NRXN1: variants seen among roughly 807,000 people sequenced by gnomAD.
The protein encoded by NRXN1 is neurexin 1, also known as neurexin-1.
A neutral mutation model predicts 150.9 loss-of-function variants in NRXN1; 39 were observed. That is an observed-to-expected ratio of 0.26 (90% confidence interval 0.20 to 0.34). NRXN1 has a LOEUF of 0.34. NRXN1 is among the 10% of genes least tolerant of loss of function. NRXN1 has a pLI of 1.00. For missense variants in NRXN1, 1,815 were observed against 1,949.9 expected (o/e 0.93, Z 1.30); for synonymous variants, 924 against 757.0 (o/e 1.22, Z -3.62).
At chr2:49,959,813 C>A (rs914731734) in intron 21 of NRXN1, among the ~76,000 whole-genome samples, 4 of 152,152 alleles carry the variant, frequency 2.6e-5, no homozygotes, top group African/African-American at 9.7e-5. Context: ...ATGTTACCTC[C>A]AGCATGCTGA....
Position 50,348,729 on chromosome 2 carries a change from G to A in NRXN1, c.3365-111759C>T, listed in dbSNP as rs188571166. ...TAGCAATGCAAGTGAACTTGGCTAG[G>A]AGGACCACAGGCACTGGATGCTGGT... On this transcript the variant is annotated intron_variant, in intron 17 of 22. Transcript: ENST00000401669. Among the ~76,000 whole-genome samples, 461 of 152,266 alleles carry A rather than the reference G, an allele frequency of 3.0e-3. 3 individuals carry two copies. Among genetic ancestry groups the A allele is most frequent in the Non-Finnish European group, 5.0e-3 (341 of 68,016 alleles).
intron 21 of NRXN1, among the ~76,000 whole-genome samples, chr2:50,040,481 T>G (rs1573560036): frequency 6.6e-6 from 1 of 151,884 alleles, no homozygotes; most frequent in Non-Finnish European, 1.5e-5. Context: ...GTATAAGTAT[T>G]GTATAAAAGG....
intron 21 of NRXN1, among the ~76,000 whole-genome samples, chr2:49,998,510 A>G (rs1683370804): frequency 6.6e-6 from 1 of 152,088 alleles, no homozygotes; most frequent in Non-Finnish European, 1.5e-5. Flanking sequence ...GGAAATACCC[A>G]GTATTTTTTT....
chr2:50,292,451 A>G (rs1284657473), intron 17 of NRXN1, among the ~76,000 whole-genome samples: 1 of 152,204 alleles, frequency 6.6e-6, no homozygotes, highest in African/African-American at 2.4e-5. Flanking sequence ...AGGTTCTGAA[A>G]TGCATTACTA....
rs1433712279 is a variant in NRXN1 at position 50,945,897 on chromosome 2, TATACACAC to T, written c.773-19950_773-19943del. On this transcript the variant is annotated intron_variant, in intron 2 of 22. Coordinates refer to ENST00000401669, the MANE Select transcript of NRXN1 (RefSeq NM_001330078.2). ...AAACAGATATATATATATATATATA[TATACACAC>T]ACACACACACACACACATCTTTACT... 1.2e-4 allele frequency among the ~76,000 whole-genome samples: 17 copies of T among 143,918 alleles called. No homozygotes were observed. In the East Asian group the frequency reaches 1.3e-3, roughly 11 times the overall value. The allele number at this position is 143,918 out of a possible 152,430, so 94.4% of individuals were successfully genotyped here. A position where few individuals can be genotyped will look rare whatever the true frequency, so the allele number is the denominator to read the frequency against.
intron 17 of NRXN1, among the ~76,000 whole-genome samples, chr2:50,370,974 A>C (rs913492352): frequency 6.6e-6 from 1 of 152,052 alleles, no homozygotes; most frequent in African/African-American, 2.4e-5. Context: ...TGAGATACTA[A>C]GGAACTGCCG....
At chr2:50,022,055 T>C (rs1687654296) in intron 21 of NRXN1, among the ~76,000 whole-genome samples, 1 of 151,606 alleles carries the variant, frequency 6.6e-6, no homozygotes, top group Non-Finnish European at 1.5e-5. Context: ...TTCACCGTGT[T>C]AGCCAGGATG....
rs536018451 is a variant in NRXN1, at chr2:50,334,469, C to T, written c.3365-97499G>A. Among the ~76,000 whole-genome samples, 31 of 152,156 alleles carry T rather than the reference C, an allele frequency of 2.0e-4. 1 individual carries two copies. Among genetic ancestry groups the T allele is most frequent in the African/African-American group, 6.3e-4 (26 of 41,466 alleles). ...CCATCTTTCAGAGCTTCTCTAAAAG[C>T]CTATGTCTTTCTTGAAGCTTTTACT... On this transcript the variant is annotated intron_variant, in intron 17 of 22. Transcript: ENST00000401669.
intron 5 of NRXN1, among the ~76,000 whole-genome samples, chr2:50,877,454 T>A (rs1678773239): frequency 6.6e-6 from 1 of 151,876 alleles, no homozygotes; most frequent in Non-Finnish European, 1.5e-5. Flanking sequence ...AACACTGAAC[T>A]TTTTCCACTC....
chr2:50,020,857 G>A (rs1381637480), intron 21 of NRXN1, among the ~76,000 whole-genome samples: 1 of 152,076 alleles, frequency 6.6e-6, no homozygotes, highest in East Asian at 1.9e-4. Flanking sequence ...AATCTCTCCT[G>A]ACACATTCCT....
intron 10 of NRXN1, among the ~76,000 whole-genome samples, chr2:50,534,379 G>C (rs2093198627): frequency 6.6e-6 from 1 of 151,880 alleles, no homozygotes; most frequent in Non-Finnish European, 1.5e-5. Flanking sequence ...AACAAAATAT[G>C]GTCTTTCAAA....
intron 2 of NRXN1, among the ~76,000 whole-genome samples, chr2:50,927,143 T>C (rs968875347): frequency 3.3e-5 from 5 of 152,018 alleles, no homozygotes; most frequent in African/African-American, 1.2e-4. Context: ...GAGGTGTTTA[T>C]AAACATGGCA....
intron 2 of NRXN1, among the ~76,000 whole-genome samples, chr2:50,943,946 C>T (rs911201429): frequency 2.0e-5 from 3 of 152,006 alleles, no homozygotes; most frequent in Non-Finnish European, 2.9e-5. Flanking sequence ...CCCTGGCATA[C>T]GATTTCTGAC....
At chr2:50,452,622 G>A (rs2087080576) in intron 17 of NRXN1, among the ~76,000 whole-genome samples, 1 of 152,108 alleles carries the variant, frequency 6.6e-6, no homozygotes, top group African/African-American at 2.4e-5. Context: ...CTGGTAAACT[G>A]GAATCAATTT....
chr2:50,836,598 A>AC lies in NRXN1; in HGVS notation c.832+85270dup, dbSNP rs147444060. The stretch of plus-strand genomic sequence containing the variant: ...TGTCCTTTTACACCTAGCTTATTTC[A>AC]CTTAGCATAGTGTCCCCCGATTTCA... On this transcript the variant is annotated intron_variant, in intron 5 of 22. Coordinates refer to ENST00000401669, the MANE Select transcript of NRXN1 (RefSeq NM_001330078.2). Among the ~76,000 whole-genome samples, 22 of 152,074 alleles carry AC rather than the reference A, an allele frequency of 1.4e-4. No homozygotes were observed. In the East Asian group the frequency reaches 4.3e-3, roughly 29 times the overall value.
At chr2:50,218,220 T>C (rs2063537095) in intron 18 of NRXN1, among the ~76,000 whole-genome samples, 1 of 152,096 alleles carries the variant, frequency 6.6e-6, no homozygotes, top group Admixed American at 6.6e-5. Context: ...GCATATGCAA[T>C]ATCTCATCCA....
intron 5 of NRXN1, among the ~76,000 whole-genome samples, chr2:50,658,541 C>A (rs1448234440): frequency 2.0e-5 from 3 of 151,718 alleles, no homozygotes; most frequent in African/African-American, 7.3e-5. Context: ...ACTCCACTTC[C>A]ACTTCCTGGC....
At chr2:50,456,615 G>C (rs973705687) in intron 17 of NRXN1, among the ~76,000 whole-genome samples, 2 of 151,972 alleles carry the variant, frequency 1.3e-5, no homozygotes, top group African/African-American at 4.8e-5. Flanking sequence ...TTTTCCTTAT[G>C]ACTTGAATTA....
rs375306025 is a variant in NRXN1, at chr2:50,985,966, AAC to A, written c.772+41534_772+41535del. Among the ~76,000 whole-genome samples the A allele has an allele frequency of 3.4e-3, 521 of 151,858 alleles. 3 individuals are homozygous for A. Among genetic ancestry groups the A allele is most frequent in the African/African-American group, 0.012 (481 of 41,556 alleles). On this transcript the variant is annotated intron_variant, in intron 2 of 22. Transcript: ENST00000401669. ...AAATGAGCAGGGATATAAACAGAAAAACACTACAGAGAAATTACAGAGAAAAT... is the reference window on the plus strand; with the variant it reads ...AAATGAGCAGGGATATAAACAGAAAAACTACAGAGAAATTACAGAGAAAAT...
Sources: allele counts gnomAD v4.1 joint callset (sites outside exome capture counted in the v4.1 genomes callset), GRCh38; gene constraint gnomAD v4.1.1; transcripts MANE v1.5; gene names NCBI Gene and HGNC (gene_info 2026-07-23, HGNC 2026-07-21).